The following GSE1 variants were observed in gnomAD, a reference collection of about 807,000 sequenced individuals.
GSE1 encodes the protein genetic suppressor element 1.
GSE1 carries 32 observed loss-of-function variants against 112.6 expected under a neutral mutation model. That is an observed-to-expected ratio of 0.28 (90% CI 0.21 to 0.38). The LOEUF is 0.38. GSE1 is among the 10% of genes least tolerant of loss of function. The pLI, the probability that GSE1 is intolerant of heterozygous loss-of-function variation, is 1.00. For synonymous variants in GSE1, 1,115 were observed against 735.6 expected, an observed-to-expected ratio of 1.52 and a Z score of -8.35; for missense variants, 2,348 against 1,699.2, an observed-to-expected ratio of 1.38 and a Z score of -6.71.
chr16:85,239,746 C>G (rs1055792479), intron 1 of GSE1, among the ~76,000 whole-genome samples: 1 of 152,206 alleles, frequency 6.6e-6, no homozygotes, highest in African/African-American at 2.4e-5. Flanking sequence ...GGGGGTCCCA[C>G]CGGGGCTGTG....
intron 1 of GSE1, among the ~76,000 whole-genome samples, chr16:85,229,690 T>C (rs1277673294): frequency 6.6e-6 from 1 of 152,228 alleles, no homozygotes; most frequent in African/African-American, 2.4e-5. Flanking sequence ...TTCAAGAGAC[T>C]GACTCCTGAA....
In GSE1 at chr16:85,460,105, G is replaced by T. The variant is rs578025805; in HGVS notation, c.2464+102462G>T. ...TGAGCAAGGACACGATGTCCTGGGG[G>T]ATGCAATCTCCTGGCCCACATCCCT... is the stretch of plus-strand genomic sequence containing the variant. On this transcript the variant is annotated intron_variant, in intron 2 of 2. Coordinates refer to the GSE1 transcript ENST00000637419. Among the ~76,000 whole-genome samples, 31 of 152,330 alleles carry T rather than the reference G, an allele frequency of 2.0e-4. 1 individual carries two copies. The South Asian group carries it at 6.2e-3, about 31-fold the overall frequency.
chr16:85,610,593 C>T (rs1439425442), upstream of GSE1, among the ~76,000 whole-genome samples: 1 of 152,240 alleles, frequency 6.6e-6, no homozygotes, highest in Non-Finnish European at 1.5e-5. Flanking sequence ...GGCGCACTGA[C>T]AGTGAGTGTC....
At chr16:85,574,120 T>C (rs1265435090) in intron 1 of GSE1, among the ~76,000 whole-genome samples, 1 of 152,142 alleles carries the variant, frequency 6.6e-6, no homozygotes, top group Non-Finnish European at 1.5e-5. Context: ...AGCCTGAGTT[T>C]TTCTTGGAAG....
chr16:85,570,653 C>T (rs72801173), intron 1 of GSE1, among the ~76,000 whole-genome samples: 9,983 of 152,260 alleles, frequency 0.066, 430 homozygotes, highest in Middle Eastern at 0.13. Flanking sequence ...GGAATAGGAA[C>T]GCAAATAGCC....
chr16:85,369,703 T>C (rs1240320015), intron 2 of GSE1, among the ~76,000 whole-genome samples: 1 of 152,224 alleles, frequency 6.6e-6, no homozygotes, highest in Non-Finnish European at 1.5e-5. Flanking sequence ...CTCCGGGGAT[T>C]AGATGTGGAC....
chr16:85,497,682 A>G (rs8046583), intron 2 of GSE1, among the ~76,000 whole-genome samples: 6,627 of 152,242 alleles, frequency 0.044, 493 homozygotes, highest in African/African-American at 0.15. Context: ...CCATCTCTAC[A>G]TAATGTCCTA....
At chr16:85,380,895 C>T (rs558415994) in intron 2 of GSE1, among the ~76,000 whole-genome samples, 5 of 152,264 alleles carry the variant, frequency 3.3e-5, no homozygotes, top group South Asian at 4.1e-4. Flanking sequence ...CATGGGAACG[C>T]GGTGAGCCCT....
intron 1 of GSE1, among the ~76,000 whole-genome samples, chr16:85,581,403 G>A (rs1029303906): frequency 3.3e-4 from 51 of 152,326 alleles, no homozygotes; most frequent in Non-Finnish European, 1.0e-4. Flanking sequence ...GCAGGGCTCC[G>A]GCCTGGGTGG....
intron 14 of GSE1, among the ~76,000 whole-genome samples, chr16:85,669,906 G>GCTGACC: frequency 6.6e-6 from 1 of 152,258 alleles, no homozygotes; most frequent in South Asian, 2.1e-4. Flanking sequence ...CATGACCTGC[G>GCTGACC]CTGACCCCCT....
At chr16:85,227,590 A>G (rs887290009) in intron 1 of GSE1, among the ~76,000 whole-genome samples, 4 of 152,038 alleles carry the variant, frequency 2.6e-5, no homozygotes, top group Non-Finnish European at 5.9e-5. Context: ...CTCTTGGGAG[A>G]GCAGCGGGGA....
chr16:85,404,651 A>G (rs1276122759), intron 2 of GSE1, among the ~76,000 whole-genome samples: 1 of 44,864 alleles, frequency 2.2e-5, no homozygotes, highest in East Asian at 1.3e-3. Context: ...CCTCGCTGTT[A>G]CTCTCAGGGC....
chr16:85,385,850 C>T (rs989191140), intron 2 of GSE1, among the ~76,000 whole-genome samples: 3 of 152,184 alleles, frequency 2.0e-5, no homozygotes, highest in African/African-American at 7.2e-5. Flanking sequence ...CGGGCCAGGA[C>T]GGCTCCAGCT....
intron 1 of GSE1, among the ~76,000 whole-genome samples, chr16:85,269,268 G>A (rs542461720): frequency 3.3e-5 from 5 of 149,566 alleles, no homozygotes; most frequent in Admixed American, 6.6e-5. Flanking sequence ...GCCCTTCCTG[G>A]GGGAGCATCC....
At position 85,251,321 on chromosome 16, in the gene GSE1, G is replaced by T. The variant is rs4075551; in HGVS notation, c.2283+79514G>T. Among the ~76,000 whole-genome samples, 1,426 of 152,342 alleles carry T rather than the reference G, an allele frequency of 9.4e-3. 21 individuals are homozygous for T. Among genetic ancestry groups the T allele is most frequent in the African/African-American group, 0.031 (1,285 of 41,570 alleles). On this transcript the variant is annotated intron_variant, in intron 1 of 2. Coordinates refer to the GSE1 transcript ENST00000637419. ...TCCCTATGGGGAAGGACTCATGTCT[G>T]TTTTCTCCACCACCGTGTCCCAGCA... is the stretch of plus-strand genomic sequence containing the variant.
intron 3 of GSE1, among the ~76,000 whole-genome samples, chr16:85,651,584 G>A (rs184685504): frequency 3.6e-4 from 55 of 152,256 alleles, no homozygotes; most frequent in Admixed American, 6.5e-4. Flanking sequence ...CGTTTGACCC[G>A]GCCCACGGCG....
At chr16:85,283,879 T>C (rs1287375643) in intron 1 of GSE1, among the ~76,000 whole-genome samples, 1 of 152,206 alleles carries the variant, frequency 6.6e-6, no homozygotes, top group East Asian at 1.9e-4. Context: ...AGCTGGGCTT[T>C]AATCTCAGGC....
At chr16:85,601,362 C>T (rs998210590) in intron 1 of GSE1, among the ~76,000 whole-genome samples, 1 of 152,016 alleles carries the variant, frequency 6.6e-6, no homozygotes, top group Non-Finnish European at 1.5e-5. Context: ...AGTCAGGGAA[C>T]GTGGGAGCAA....
At chr16:85,582,256 G>A (rs143601802) in intron 1 of GSE1, 1 of 152,370 alleles carries the variant, frequency 6.6e-6, no homozygotes, top group African/African-American at 2.4e-5. Context: ...GCACCCCCTG[G>A]ATTAATGTGT....
Sources: gnomAD v4.1 joint callset for allele counts (sites outside exome capture counted in the v4.1 genomes callset) on GRCh38, gnomAD v4.1.1 for gene constraint, MANE v1.5 for transcripts, NCBI Gene and HGNC (gene_info 2026-07-23, HGNC 2026-07-21) for gene names.